Variants in UROD observed in about 807,000 individuals in gnomAD.
The protein encoded by UROD is uroporphyrinogen III decarboxylase.
A neutral mutation model predicts 47.1 loss-of-function variants in UROD; 34 were observed. The ratio of observed to expected loss-of-function variants is 0.72; its 90% CI spans 0.55 to 0.96. UROD has a LOEUF of 0.96. Ranked by LOEUF, UROD falls within the 40% of genes least tolerant of loss-of-function variation. UROD has a pLI of 0.00. For synonymous variants in UROD, 148 were observed against 175.8 expected (o/e 0.84, Z 1.25); for missense variants, 381 against 471.8 (o/e 0.81, Z 1.78).
intron 9 of UROD, 51 bp from the exon 10 acceptor site, chr1:45,015,286 G>A (rs1337804305): frequency 6.8e-6 from 11 of 1,609,098 alleles, no homozygotes; most frequent in African/African-American, 2.7e-5. Flanking sequence ...TATATAGGGA[G>A]GACAAAGGCT....
intron 1 of UROD, 88 bp from the exon 2 acceptor site, chr1:45,012,819 T>G (rs1406522868): frequency 1.3e-6 from 2 of 1,574,958 alleles, no homozygotes; most frequent in Admixed American, 3.8e-5. Flanking sequence ...ATAGCGGTCC[T>G]GGACTGAATC....
Position 45,015,445 on chromosome 1 carries a change from G to A in UROD, c.1051G>A (p.Gly351Ser). The A allele has an allele frequency of 6.2e-7, 1 of 1,614,162 alleles. No homozygotes were observed. Among genetic ancestry groups the A allele is most frequent in the Non-Finnish European group, 8.5e-7 (1 of 1,180,016 alleles). ...LYPDMDPEHV[G>S]AFVDAVHKHS... is the part of the protein sequence containing the mutation. ...TCCTGACATGGACCCAGAACATGTG[G>A]GCGCCTTTGTGGATGCTGTGCATAA... Residue 351 changes from glycine (G) to serine (S), a missense_variant, in exon 10 of 10, where the codon GGC (glycine) becomes AGC (serine). Gly to Ser is a moderately conservative substitution (Grantham distance 56). Transcript: ENST00000246337.
intron 6 of UROD, 61 bp from the exon 7 acceptor site, chr1:45,014,378 G>T (rs1644830966): frequency 6.2e-7 from 1 of 1,612,644 alleles, no homozygotes; most frequent in Non-Finnish European, 8.5e-7. Context: ...GGTGGATTTT[G>T]TATGTGGGGG....
chr1:45,012,885 C>T, intron 1 of UROD, 22 bp from the exon 2 acceptor site: 1 of 1,613,236 alleles, frequency 6.2e-7, no homozygotes, highest in Non-Finnish European at 8.5e-7. Flanking sequence ...GACACCTACC[C>T]CCACCCCCAC....
At chr1:45,012,566 A>C in intron 1 of UROD, 1 of 619,554 alleles carries the variant, frequency 1.6e-6, no homozygotes, top group South Asian at 2.0e-5. Flanking sequence ...CAGCCCCTGA[A>C]CCAGCCCAGT....
Position 45,014,197 on chromosome 1 carries a change from C to T in UROD, c.636+127C>T, listed in dbSNP as rs1173629253. ...TGAAAGAACCTTGGCCTCCAGTGAT[C>T]TAGCGGAGCAGCCAAGCCCATCCTG... On this transcript the variant is annotated intron_variant, in intron 6 of 9. Transcript: ENST00000246337. The T allele has an allele frequency of 1.8e-5, 27 of 1,474,608 alleles. 1 individual carries two copies. The highest frequency in any genetic ancestry group is 1.0e-4 in the Admixed American group (6 of 57,196). The allele number at this position is 1,474,608 out of a possible 1,614,324, so 91.3% of individuals were successfully genotyped here.
Position 45,013,404 on chromosome 1 carries a change from A to G in UROD, c.276+50A>G. 1.2e-6 allele frequency: 2 copies of G among 1,613,106 alleles called. No individual in the cohort carries two copies. The highest frequency in any genetic ancestry group is 1.7e-6 in the Non-Finnish European group (2 of 1,179,126). On this transcript the variant is annotated intron_variant, in intron 4 of 9. Coordinates refer to ENST00000246337, the MANE Select transcript of UROD (RefSeq NM_000374.5). The surrounding 1 kb of genome is among the most constrained non-coding windows in gnomAD (Gnocchi z 4.2). ...AATATAATCCAAGGACGCCTTGAAA[A>G]TCCTTCTATCAGTCCAGTCAAGGTT...
In UROD at chr1:45,015,450, C is replaced by T. The variant is rs1437124293; in HGVS notation, c.1056C>T (p.Ala352=). 6.2e-7 allele frequency: 1 copy of T among 1,614,154 alleles called. No homozygotes were observed. Among genetic ancestry groups the T allele is most frequent in the African/African-American group, 1.3e-5 (1 of 75,020 alleles). ...YPDMDPEHVG[A]FVDAVHKHSR... Reference sequence around the variant, plus strand: ...ACATGGACCCAGAACATGTGGGCGCCTTTGTGGATGCTGTGCATAAACACT... The same window carrying T: ...ACATGGACCCAGAACATGTGGGCGCTTTTGTGGATGCTGTGCATAAACACT... Residue 352 remains alanine, a synonymous_variant, in exon 10 of 10, where the codon GCC becomes GCT. Transcript: ENST00000246337.
At position 45,012,949 on chromosome 1, in the gene UROD, A is replaced by G. The variant is rs752950163; in HGVS notation, c.63A>G (p.Arg21=). 3.1e-6 allele frequency: 5 copies of G among 1,613,630 alleles called. No homozygotes were observed. In the South Asian group the frequency reaches 5.5e-5, roughly 18 times the overall value. Residue 21 remains arginine, a synonymous_variant, in exon 2 of 10, where the codon CGA becomes CGG. Coordinates refer to ENST00000246337, the MANE Select transcript of UROD (RefSeq NM_000374.5). ...FPELKNDTFL[R]AAWGEETDYT... Reference sequence around the variant, plus strand: ...AGCTGAAGAATGACACATTCCTGCGAGCAGCCTGGGGAGAGGAAACAGACT... The same window carrying G: ...AGCTGAAGAATGACACATTCCTGCGGGCAGCCTGGGGAGAGGAAACAGACT...
At chr1:45,015,207 G>C in intron 9 of UROD, 130 bp from the exon 10 acceptor site, 1 of 1,471,922 alleles carries the variant, frequency 6.8e-7, no homozygotes, top group African/African-American at 1.4e-5. Context: ...CTAGGGATCT[G>C]ATAAATTTTA....
At position 45,014,976 on chromosome 1, in the gene UROD, C is replaced by A. The variant is rs121918065; in HGVS notation, c.912C>A (p.Asn304Lys). 3 of 1,613,916 alleles carry A rather than the reference C, an allele frequency of 1.9e-6. No individual in the cohort carries two copies. The highest frequency in any genetic ancestry group is 1.7e-5 in the Admixed American group (1 of 60,008). Residue 304 changes from asparagine to lysine, a missense_variant, in exon 9 of 10, where the codon AAC becomes AAA. Transcript: ENST00000246337. The stretch of plus-strand genomic sequence containing the variant: ...GGAAGACGGTGACATTGCAGGGCAA[C>A]CTGGACCCCTGTGCCTTGTATGCAT... ...CVGKTVTLQG[N>K]LDPCALYASE...
chr1:45,012,432 A>G lies in UROD; in HGVS notation c.20+147A>G. ...AGCTGGGATCCTGAATCCTAAAACC[A>G]TGGATTTTTGAGATGTTCATCCCAG... On this transcript the variant is annotated intron_variant, in intron 1 of 9. Coordinates refer to ENST00000246337, the MANE Select transcript of UROD (RefSeq NM_000374.5). 2.5e-6 allele frequency: 3 copies of G among 1,206,260 alleles called. No homozygotes were observed. The Admixed American group carries it at 5.8e-5, about 23-fold the overall frequency. 74.7% of individuals were successfully genotyped at this position (1,206,260 alleles called of 1,614,324 possible).
Position 45,013,855 on chromosome 1 carries a change from C to T in UROD, c.475-54C>T. 6.2e-7 allele frequency: 1 copy of T among 1,614,202 alleles called. No individual in the cohort carries two copies. The highest frequency in any genetic ancestry group is 8.5e-7 in the Non-Finnish European group (1 of 1,180,042). On this transcript the variant is annotated intron_variant, in intron 5 of 9. Transcript: ENST00000246337. This position sits in a 1 kb window ranked among gnomAD's most constrained non-coding sequence, Gnocchi z 4.2. Reference sequence around the variant, plus strand: ...ATCACTCTGGAAGGTCTGGGGTAGACAAAAGGAAGGGTCAGTCTGGCTTCT... The same window carrying T: ...ATCACTCTGGAAGGTCTGGGGTAGATAAAAGGAAGGGTCAGTCTGGCTTCT...
In UROD at chr1:45,013,182, C is replaced by T. The variant is rs762643585; in HGVS notation, c.180C>T (p.Arg60=). The part of the protein sequence containing the change: ...RAAQDFFSTC[R]SPEACCELTL... Reference sequence around the variant, plus strand: ...CCCAGGACTTTTTCAGCACGTGTCGCTCTCCTGAGGCCTGCTGTGAACTGA... The same window carrying T: ...CCCAGGACTTTTTCAGCACGTGTCGTTCTCCTGAGGCCTGCTGTGAACTGA... Residue 60 remains arginine (R), a synonymous_variant, in exon 3 of 10, where the codon CGC becomes CGT. Transcript: ENST00000246337. The surrounding 1 kb of genome is among the most constrained non-coding windows in gnomAD (Gnocchi z 4.2). 8 of 1,614,180 alleles carry T rather than the reference C, an allele frequency of 5.0e-6. No individual in the cohort carries two copies. Among genetic ancestry groups the T allele is most frequent in the Non-Finnish European group, 5.9e-6 (7 of 1,180,042 alleles).
intron 6 of UROD, 146 bp downstream of exon 6, chr1:45,014,216 C>T (rs1644829701): frequency 4.5e-6 from 6 of 1,332,136 alleles, no homozygotes; most frequent in African/African-American, 2.9e-5. Flanking sequence ...CAGCCAAGCC[C>T]ATCCTGACAC....
In UROD at chr1:45,013,099, G is replaced by T. The variant is rs780111467; in HGVS notation, c.134-37G>T. On this transcript the variant is annotated intron_variant, in intron 2 of 9. Coordinates refer to ENST00000246337, the MANE Select transcript of UROD (RefSeq NM_000374.5). This position sits in a 1 kb window ranked among gnomAD's most constrained non-coding sequence, Gnocchi z 4.2. ...GAGGGGCAGGGGAGGGCTCTGGAGG[G>T]CCTCAAGGCTGAGCCCTGTCTTCCC... is the stretch of plus-strand genomic sequence containing the variant. 6.2e-7 allele frequency: 1 copy of T among 1,614,138 alleles called. No homozygotes were observed. The highest frequency in any genetic ancestry group is 2.2e-5 in the East Asian group (1 of 44,880).
rs1644835562 is a variant in UROD at position 45,014,810 on chromosome 1, C to T, written c.849C>T (p.Asp283=). 6.2e-7 allele frequency: 1 copy of T among 1,614,242 alleles called. No homozygotes were observed. Among genetic ancestry groups the T allele is most frequent in the East Asian group, 2.2e-5 (1 of 44,890 alleles). ...CTGGCTATGAGGTGGTTGGGCTTGA[C>T]TGGACAGTGGCCCCAAAGAAAGCCC... is the stretch of plus-strand genomic sequence containing the variant. ...AQAGYEVVGL[D]WTVAPKKARE... is the part of the protein sequence containing the mutation. The change falls in exon 8 of 10, where the codon GAC becomes GAT. Residue 283 remains aspartate (D), a synonymous_variant. Coordinates refer to ENST00000246337, the MANE Select transcript of UROD (RefSeq NM_000374.5).
intron 7 of UROD, 48 bp downstream of exon 7, chr1:45,014,624 G>A (rs1644833637): frequency 6.2e-7 from 1 of 1,613,972 alleles, no homozygotes; most frequent in East Asian, 2.2e-5. Flanking sequence ...GGAGCTTTCA[G>A]GCTAAGTCCT....
At chr1:45,012,650 C>T (rs543214090) in intron 1 of UROD, 7 of 691,644 alleles carry the variant, frequency 1.0e-5, no homozygotes, top group Non-Finnish European at 9.5e-6. Flanking sequence ...TTCCCTCCCC[C>T]CAGTCCCTCT....
Sources: gnomAD v4.1 joint callset for allele counts on GRCh38, gnomAD v4.1.1 for gene constraint, Gnocchi (gnomAD v3.1) non-coding constraint, MANE v1.5 for transcripts, NCBI Gene and HGNC (gene_info 2026-07-23, HGNC 2026-07-21) for gene names.